Variants in SORCS3 observed in about 807,000 individuals in gnomAD.
SORCS3 encodes VPS10 domain-containing receptor SorCS3.
A neutral mutation model predicts 146.3 loss-of-function variants in SORCS3; 57 were observed. The observed-to-expected ratio is 0.39, with a 90% CI of 0.31 to 0.49. The LOEUF is 0.49. Ranked by LOEUF, SORCS3 falls within the 20% of genes least tolerant of loss-of-function variation. The pLI is 0.92. For missense variants in SORCS3, 1,341 were observed against 1,575.5 expected (o/e 0.85, Z 2.52); for synonymous variants, 653 against 618.5 (o/e 1.06, Z -0.83).
chr10:105,090,553 G>T (rs538027642), intron 6 of SORCS3, among the ~76,000 whole-genome samples: 5 of 152,268 alleles, frequency 3.3e-5, no homozygotes, highest in African/African-American at 1.2e-4. Flanking sequence ...AATAAAATCA[G>T]CTTAAACAAA....
intron 1 of SORCS3, among the ~76,000 whole-genome samples, chr10:104,833,153 G>A (rs535042495): frequency 7.2e-5 from 11 of 152,298 alleles, no homozygotes; most frequent in Admixed American, 6.5e-4. Context: ...TTTGTTAGAA[G>A]TCATGTTGTA....
intron 20 of SORCS3, among the ~76,000 whole-genome samples, chr10:105,243,072 T>C (rs1346441012): frequency 1.5e-5 from 2 of 137,724 alleles, no homozygotes; most frequent in South Asian, 2.1e-4. Flanking sequence ...TATATATATT[T>C]ATATATATAT....
intron 1 of SORCS3, among the ~76,000 whole-genome samples, chr10:104,744,496 C>T (rs1187808658): frequency 6.6e-6 from 1 of 152,172 alleles, no homozygotes; most frequent in Non-Finnish European, 1.5e-5. Context: ...ATAATCCTCA[C>T]AACAATCCTA....
In SORCS3 at chr10:105,255,004, C is replaced by T. The variant is rs1159542895; in HGVS notation, c.3238-698C>T. Among the ~76,000 whole-genome samples the T allele has an allele frequency of 5.3e-5, 8 of 150,000 alleles. No homozygotes were observed. The East Asian group carries it at 1.0e-3, about 19-fold the overall frequency. Reference sequence around the variant, plus strand: ...GAGATCGAGACCATCCTGGCTAACACGGTGAAACCCCGTCTCTACTAAAAA... The same window carrying T: ...GAGATCGAGACCATCCTGGCTAACATGGTGAAACCCCGTCTCTACTAAAAA... On this transcript the variant is annotated intron_variant, in intron 23 of 26. Coordinates refer to ENST00000369701, the MANE Select transcript of SORCS3 (RefSeq NM_014978.3).
chr10:105,171,135 G>A (rs1446557399), intron 13 of SORCS3, among the ~76,000 whole-genome samples: 1 of 152,158 alleles, frequency 6.6e-6, no homozygotes, highest in Non-Finnish European at 1.5e-5. Context: ...TCACCTTTAA[G>A]AGAAAATAAG....
intron 2 of SORCS3, among the ~76,000 whole-genome samples, chr10:104,896,695 G>A (rs2018802103): frequency 1.3e-5 from 2 of 152,148 alleles, no homozygotes; most frequent in African/African-American, 2.4e-5. Context: ...ATTTTTAAAT[G>A]GTTGAAAAAA....
At chr10:105,160,293 A>G (rs557220140) in intron 11 of SORCS3, among the ~76,000 whole-genome samples, 6 of 152,322 alleles carry the variant, frequency 3.9e-5, no homozygotes, top group African/African-American at 1.4e-4. Context: ...GTACCAAAAT[A>G]ATAGAATTGC....
chr10:104,804,458 T>G (rs2017659826), intron 1 of SORCS3, among the ~76,000 whole-genome samples: 1 of 152,184 alleles, frequency 6.6e-6, no homozygotes, highest in African/African-American at 2.4e-5. Context: ...GATACTTTGG[T>G]AAGGTGCCCT....
intron 2 of SORCS3, among the ~76,000 whole-genome samples, chr10:104,887,184 A>G (rs1396993816): frequency 6.6e-6 from 1 of 152,246 alleles, no homozygotes; most frequent in Admixed American, 6.5e-5. Context: ...TTTGCAGTTC[A>G]TAAATGCTAA....
intron 1 of SORCS3, among the ~76,000 whole-genome samples, chr10:104,739,233 C>T (rs1383966788): frequency 6.6e-6 from 1 of 152,232 alleles, no homozygotes. Flanking sequence ...AAAAGACCAT[C>T]TTGGTTCACT....
At chr10:104,736,553 T>G (rs951376563) in intron 1 of SORCS3, among the ~76,000 whole-genome samples, 8 of 152,048 alleles carry the variant, frequency 5.3e-5, no homozygotes, top group Non-Finnish European at 1.5e-5. Context: ...CCGTCATGGT[T>G]TTGGATATTA....
chr10:104,989,275 T>C (rs1054323344), intron 4 of SORCS3, among the ~76,000 whole-genome samples: 1 of 152,244 alleles, frequency 6.6e-6, no homozygotes, highest in African/African-American at 2.4e-5. Flanking sequence ...GTCAGGAAGA[T>C]GAAGTCTGAC....
At chr10:104,957,008 T>G (rs369642489) in intron 3 of SORCS3, among the ~76,000 whole-genome samples, 1 of 152,112 alleles carries the variant, frequency 6.6e-6, no homozygotes, top group East Asian at 1.9e-4. Flanking sequence ...TAAGAGAATA[T>G]TCTCAATTAT....
At chr10:105,091,835 A>G (rs868799401) in intron 6 of SORCS3, among the ~76,000 whole-genome samples, 1 of 152,204 alleles carries the variant, frequency 6.6e-6, no homozygotes, top group Non-Finnish European at 1.5e-5. Flanking sequence ...GGACAGGAGG[A>G]GGACAGCAAA....
intron 1 of SORCS3, among the ~76,000 whole-genome samples, chr10:104,692,956 G>A (rs1047654550): frequency 7.2e-5 from 11 of 152,164 alleles, no homozygotes; most frequent in Non-Finnish European, 1.5e-4. Flanking sequence ...CTGGGAATCT[G>A]CATTTTTAAC....
intron 1 of SORCS3, among the ~76,000 whole-genome samples, chr10:104,762,787 G>T (rs2017136978): frequency 6.6e-6 from 1 of 152,182 alleles, no homozygotes; most frequent in African/African-American, 2.4e-5. Flanking sequence ...CTTCCATCAT[G>T]ATTGTAAGTT....
chr10:104,940,230 A>ATG (rs2019301564), intron 3 of SORCS3, among the ~76,000 whole-genome samples: 1 of 23,946 alleles, frequency 4.2e-5, no homozygotes, highest in African/African-American at 1.6e-4. Flanking sequence ...ATATATATAT[A>ATG]TATATATATT....
chr10:105,161,507 C>T (rs1269282620), intron 11 of SORCS3, among the ~76,000 whole-genome samples: 5 of 152,084 alleles, frequency 3.3e-5, no homozygotes, highest in Non-Finnish European at 7.4e-5. Context: ...AGGGAAGCTG[C>T]GTGGATAAAA....
chr10:104,817,808 G>C (rs2998426), intron 1 of SORCS3, among the ~76,000 whole-genome samples: 1 of 149,634 alleles, frequency 6.7e-6, no homozygotes, highest in Non-Finnish European at 1.5e-5. Flanking sequence ...GTTTTTGCTC[G>C]TGGTCCCACA....
Sources: allele counts gnomAD v4.1 joint callset (sites outside exome capture counted in the v4.1 genomes callset), GRCh38; gene constraint gnomAD v4.1.1; transcripts MANE v1.5; gene names NCBI Gene and HGNC (gene_info 2026-07-23, HGNC 2026-07-21).